Variants in LHFPL3 observed in about 807,000 individuals in gnomAD.
LHFPL3 encodes LHFPL tetraspan subfamily member 3 protein.
Under a neutral mutation model 19.3 loss-of-function variants are expected in LHFPL3, and 5 were observed. The observed-to-expected ratio is 0.26, with a 90% CI of 0.14 to 0.54. The LOEUF (loss-of-function observed/expected upper bound fraction) is 0.54. LHFPL3 is among the 20% of genes least tolerant of loss of function. LHFPL3 has a pLI of 0.94. For missense variants in LHFPL3, 249 were observed against 307.4 expected (o/e 0.81, Z 1.42); for synonymous variants, 133 against 126.2 (o/e 1.05, Z -0.36).
intron 1 of LHFPL3, among the ~76,000 whole-genome samples, chr7:104,492,930 C>G (rs754917494): frequency 6.6e-6 from 1 of 152,146 alleles, no homozygotes; most frequent in Non-Finnish European, 1.5e-5. Flanking sequence ...CCACTAGATT[C>G]TTCTCTTGAG....
chr7:104,674,663 A>C (rs1400578131), intron 1 of LHFPL3, among the ~76,000 whole-genome samples: 3 of 152,066 alleles, frequency 2.0e-5, no homozygotes, highest in Non-Finnish European at 4.4e-5. Context: ...CACTGCACCC[A>C]CTCGGGAAAG....
At chr7:104,741,056 T>C (rs1355564440) in intron 2 of LHFPL3, among the ~76,000 whole-genome samples, 1 of 152,200 alleles carries the variant, frequency 6.6e-6, no homozygotes, top group African/African-American at 2.4e-5. Flanking sequence ...TGCTGAACCA[T>C]AAATTAATCG....
chr7:104,821,014 C>G (rs1790665946), intron 2 of LHFPL3, among the ~76,000 whole-genome samples: 1 of 152,282 alleles, frequency 6.6e-6, no homozygotes, highest in South Asian at 2.1e-4. Flanking sequence ...TAACTGCCTT[C>G]CAAGAGGCCT....
At chr7:104,729,165 A>C (rs1449674709) in intron 1 of LHFPL3, among the ~76,000 whole-genome samples, 1 of 152,224 alleles carries the variant, frequency 6.6e-6, no homozygotes, top group Non-Finnish European at 1.5e-5. Context: ...AAATGAAATC[A>C]AATGGAGAAT....
chr7:104,368,636 G>T (rs935465574), intron 1 of LHFPL3, among the ~76,000 whole-genome samples: 1 of 146,848 alleles, frequency 6.8e-6, no homozygotes, highest in African/African-American at 2.6e-5. Flanking sequence ...TTCCAGACAT[G>T]GTGTGCACAC....
At chr7:104,771,310 G>A (rs561177698) in intron 2 of LHFPL3, among the ~76,000 whole-genome samples, 8 of 152,018 alleles carry the variant, frequency 5.3e-5, no homozygotes, top group Admixed American at 1.3e-4. Flanking sequence ...ATTTCATTTC[G>A]TTTCATTCAG....
intron 1 of LHFPL3, among the ~76,000 whole-genome samples, chr7:104,532,838 A>G (rs1584385290): frequency 6.6e-6 from 1 of 152,322 alleles, no homozygotes; most frequent in East Asian, 1.9e-4. Context: ...GCACTGGTAA[A>G]ACAAACAAAA....
intron 1 of LHFPL3, among the ~76,000 whole-genome samples, chr7:104,657,537 T>G (rs910790585): frequency 6.6e-6 from 1 of 152,246 alleles, no homozygotes; most frequent in Non-Finnish European, 1.5e-5. Context: ...GATTGAATCC[T>G]CACAGCAGCC....
chr7:104,569,417 A>G (rs1465511744), intron 1 of LHFPL3, among the ~76,000 whole-genome samples: 2 of 152,174 alleles, frequency 1.3e-5, no homozygotes, highest in Non-Finnish European at 2.9e-5. Flanking sequence ...CTCATGGCAA[A>G]TGTAGAAAGA....
intron 1 of LHFPL3, among the ~76,000 whole-genome samples, chr7:104,674,372 CTTTT>C (rs531335106): frequency 2.2e-5 from 3 of 134,684 alleles, no homozygotes; most frequent in Admixed American, 7.5e-5. Context: ...TTTTCTTTTT[CTTTT>C]TTTTTTTTTT....
intron 1 of LHFPL3, among the ~76,000 whole-genome samples, chr7:104,441,724 C>T (rs1047808138): frequency 6.6e-6 from 1 of 152,108 alleles, no homozygotes; most frequent in Admixed American, 6.6e-5. Flanking sequence ...TACAGGTGTG[C>T]GCCACCATGC....
intron 1 of LHFPL3, among the ~76,000 whole-genome samples, chr7:104,674,923 A>C (rs1431671502): frequency 3.9e-5 from 6 of 152,248 alleles, no homozygotes; most frequent in African/African-American, 1.4e-4. Flanking sequence ...AATTCACAAG[A>C]AAAGAAATAC....
intron 1 of LHFPL3, among the ~76,000 whole-genome samples, chr7:104,451,636 A>G (rs565801210): frequency 3.3e-5 from 5 of 152,204 alleles, no homozygotes; most frequent in Non-Finnish European, 7.3e-5. Flanking sequence ...TCTATGCCTA[A>G]ATATATATTA....
At chr7:104,539,470 T>C (rs934572519) in intron 1 of LHFPL3, among the ~76,000 whole-genome samples, 2 of 152,202 alleles carry the variant, frequency 1.3e-5, no homozygotes, top group Admixed American at 6.5e-5. Context: ...TAATACTTAA[T>C]GGCTTTTTTC....
chr7:104,483,787 T>C (rs1793183865), intron 1 of LHFPL3, among the ~76,000 whole-genome samples: 1 of 152,120 alleles, frequency 6.6e-6, no homozygotes, highest in Admixed American at 6.5e-5. Context: ...AGCTATTTTT[T>C]TTAAATTCTT....
At chr7:104,471,237 A>G (rs1025095350) in intron 1 of LHFPL3, among the ~76,000 whole-genome samples, 1 of 152,144 alleles carries the variant, frequency 6.6e-6, no homozygotes, top group Non-Finnish European at 1.5e-5. Flanking sequence ...GATACTTGCA[A>G]TTCAGTTCAA....
rs142751530 is a variant in LHFPL3 at position 104,367,545 on chromosome 7, C to T, written c.445+38321C>T. Among the ~76,000 whole-genome samples, 632 of 152,110 alleles carry T rather than the reference C, an allele frequency of 4.2e-3. 7 individuals carry two copies. Among genetic ancestry groups the T allele is most frequent in the African/African-American group, 0.015 (610 of 41,496 alleles). On this transcript the variant is annotated intron_variant, in intron 1 of 2. Coordinates refer to ENST00000424859, the MANE Select transcript of LHFPL3 (RefSeq NM_199000.3). ...CTATTTATGGCTTTGGGGTATAGAT[C>T]GTCAGATGTTAAGCAGATGGAACAG...
chr7:104,871,816 G>A (rs1400822634), intron 2 of LHFPL3, among the ~76,000 whole-genome samples: 2 of 151,806 alleles, frequency 1.3e-5, no homozygotes, highest in Non-Finnish European at 2.9e-5. Context: ...ATGCCACCAT[G>A]CCCAGCTAAT....
intron 2 of LHFPL3, among the ~76,000 whole-genome samples, chr7:104,874,856 C>CT (rs551943012): frequency 1.1e-3 from 157 of 143,380 alleles, no homozygotes; most frequent in South Asian, 1.1e-3. Flanking sequence ...GTTCTTTTTC[C>CT]TTTTTTTTTT....
Sources: gnomAD v4.1 joint callset for allele counts (sites outside exome capture counted in the v4.1 genomes callset) on GRCh38, gnomAD v4.1.1 for gene constraint, MANE v1.5 for transcripts, NCBI Gene and HGNC (gene_info 2026-07-23, HGNC 2026-07-21) for gene names.